Variants in ASTN2 observed in about 807,000 individuals in gnomAD.
ASTN2 encodes astrotactin 2.
A neutral mutation model predicts 139.8 loss-of-function variants in ASTN2; 54 were observed. The observed-to-expected ratio is 0.39, with a 90% CI of 0.31 to 0.48. The LOEUF (loss-of-function observed/expected upper bound fraction) is 0.48. Among genes scored for constraint, ASTN2 ranks in the 20% least tolerant of loss-of-function variants. The pLI is 0.95. For synonymous variants in ASTN2, 756 were observed against 719.5 expected, an observed-to-expected ratio of 1.05 and a Z score of -0.81; for missense variants, 1,565 against 1,725.1, an observed-to-expected ratio of 0.91 and a Z score of 1.64.
At chr9:116,561,185 A>G (rs1254980719) in intron 19 of ASTN2, among the ~76,000 whole-genome samples, 4 of 152,072 alleles carry the variant, frequency 2.6e-5, no homozygotes, top group Non-Finnish European at 2.9e-5. Flanking sequence ...CCTCTTGCCT[A>G]ATATCCTCTA....
intron 16 of ASTN2, among the ~76,000 whole-genome samples, chr9:116,718,167 T>C (rs898679979): frequency 6.6e-6 from 1 of 152,152 alleles, no homozygotes; most frequent in African/African-American, 2.4e-5. Context: ...AAAGGTTTTC[T>C]GAGAAAGTGA....
At chr9:117,375,589 G>A (rs1321308056) in intron 1 of ASTN2, among the ~76,000 whole-genome samples, 3 of 152,200 alleles carry the variant, frequency 2.0e-5, no homozygotes, top group African/African-American at 7.2e-5. Context: ...TGAGGAAATG[G>A]AAGTTCAAGA....
chr9:117,336,472 A>G (rs2130857777), intron 1 of ASTN2, among the ~76,000 whole-genome samples: 1 of 152,268 alleles, frequency 6.6e-6, no homozygotes, highest in East Asian at 1.9e-4. Flanking sequence ...TACAGGGACA[A>G]AGAGGGAGAT....
chr9:116,693,424 C>T (rs148469577), intron 16 of ASTN2, among the ~76,000 whole-genome samples: 90 of 152,146 alleles, frequency 5.9e-4, no homozygotes, highest in African/African-American at 2.0e-3. Context: ...CTAGAAGAGG[C>T]GAGATTAATA....
intron 10 of ASTN2, among the ~76,000 whole-genome samples, chr9:116,914,296 C>A (rs1165990991): frequency 1.3e-5 from 2 of 151,804 alleles, no homozygotes; most frequent in African/African-American, 2.4e-5. Context: ...CTTTTCTGGG[C>A]CCCAGTGCTT....
chr9:117,253,009 G>A (rs752166273), intron 2 of ASTN2, among the ~76,000 whole-genome samples: 10 of 152,112 alleles, frequency 6.6e-5, no homozygotes, highest in Non-Finnish European at 1.3e-4. Flanking sequence ...CTGTGAAATG[G>A]GACCACTAAT....
chr9:117,353,168 G>T (rs903737321), intron 1 of ASTN2, among the ~76,000 whole-genome samples: 6 of 152,030 alleles, frequency 3.9e-5, no homozygotes, highest in Non-Finnish European at 7.4e-5. Flanking sequence ...ATGGCAAATT[G>T]TATGTTACAT....
At chr9:116,458,565 T>A (rs1024018863) in intron 20 of ASTN2, among the ~76,000 whole-genome samples, 3 of 151,894 alleles carry the variant, frequency 2.0e-5, no homozygotes, top group African/African-American at 7.2e-5. Flanking sequence ...GTTACAAGAT[T>A]AATATACAAA....
At chr9:116,632,306 A>T (rs1856845674) in intron 17 of ASTN2, among the ~76,000 whole-genome samples, 1 of 144,530 alleles carries the variant, frequency 6.9e-6, no homozygotes, top group African/African-American at 2.6e-5. Flanking sequence ...CCCCCAAAAT[A>T]TGTACAACTA....
chr9:116,982,364 T>C (rs936508152), intron 7 of ASTN2, among the ~76,000 whole-genome samples: 7 of 152,146 alleles, frequency 4.6e-5, no homozygotes, highest in Non-Finnish European at 8.8e-5. Flanking sequence ...TTGGCACATT[T>C]CTTCTTGCTG....
At chr9:117,355,814 T>G (rs1159885476) in intron 1 of ASTN2, among the ~76,000 whole-genome samples, 1 of 152,108 alleles carries the variant, frequency 6.6e-6, no homozygotes, top group African/African-American at 2.4e-5. Context: ...GGCTTGCAGC[T>G]GGGGGCCATG....
At chr9:116,895,892 G>A (rs1372231493) in intron 10 of ASTN2, among the ~76,000 whole-genome samples, 1 of 152,164 alleles carries the variant, frequency 6.6e-6, no homozygotes, top group Non-Finnish European at 1.5e-5. Flanking sequence ...AAAAAAGGGA[G>A]TGGAATTAGG....
At chr9:117,263,675 T>A (rs1343623025) in intron 2 of ASTN2, among the ~76,000 whole-genome samples, 2 of 152,200 alleles carry the variant, frequency 1.3e-5, no homozygotes, top group African/African-American at 4.8e-5. Context: ...TTCTCCAGGT[T>A]AAATCCTCTC....
chr9:116,978,024 AT>A (rs1478884417), intron 7 of ASTN2, among the ~76,000 whole-genome samples: 8 of 152,008 alleles, frequency 5.3e-5, no homozygotes, highest in Non-Finnish European at 2.9e-5. Context: ...GCCTAGAAAT[AT>A]TTTTTGATTT....
intron 16 of ASTN2, among the ~76,000 whole-genome samples, chr9:116,658,322 A>C (rs565488557): frequency 6.6e-6 from 1 of 152,242 alleles, no homozygotes; most frequent in South Asian, 2.1e-4. Flanking sequence ...TACCAACAGA[A>C]CAGAAGGAGC....
In ASTN2 at chr9:117,134,992, T is replaced by A. The variant is rs147173389; in HGVS notation, c.1168+6334A>T. 6.5e-3 allele frequency among the ~76,000 whole-genome samples: 983 copies of A among 152,346 alleles called. 10 individuals carry two copies. The highest frequency in any genetic ancestry group is 0.022 in the African/African-American group (927 of 41,582). On this transcript the variant is annotated intron_variant, in intron 4 of 22. Coordinates refer to ENST00000313400, the MANE Select transcript of ASTN2 (RefSeq NM_001365068.1). ...CTGAGGGGACAGTGCTGATTCATTC[T>A]TAGCTCAGAGAGGGAGATGCCTCAC...
At chr9:117,361,242 A>C (rs1829684761) in intron 1 of ASTN2, among the ~76,000 whole-genome samples, 1 of 152,204 alleles carries the variant, frequency 6.6e-6, no homozygotes, top group South Asian at 2.1e-4. Context: ...GACCTCCAGC[A>C]GATTGGAGAG....
chr9:116,973,693 T>G (rs1380621566), intron 10 of ASTN2, among the ~76,000 whole-genome samples: 1 of 152,222 alleles, frequency 6.6e-6, no homozygotes, highest in Non-Finnish European at 1.5e-5. Context: ...ACTTAGCACA[T>G]GCTTTACTAA....
chr9:117,206,391 C>T (rs902649635), intron 3 of ASTN2, among the ~76,000 whole-genome samples: 13 of 152,212 alleles, frequency 8.5e-5, no homozygotes, highest in African/African-American at 3.1e-4. Context: ...TTCCACAGTC[C>T]TCACAAGCCC....
Sources: gnomAD v4.1 joint callset for allele counts (sites outside exome capture counted in the v4.1 genomes callset) on GRCh38, gnomAD v4.1.1 for gene constraint, MANE v1.5 for transcripts, NCBI Gene and HGNC (gene_info 2026-07-23, HGNC 2026-07-21) for gene names.